The following ALPK1 variants were observed in gnomAD, a reference collection of about 807,000 sequenced individuals.
ALPK1 encodes alpha-protein kinase 1.
Under a neutral mutation model 120.6 loss-of-function variants are expected in ALPK1, and 110 were observed. The observed-to-expected ratio is 0.91, with a 90% confidence interval of 0.78 to 1.07. ALPK1 has a LOEUF of 1.07. Ranked by LOEUF, ALPK1 falls within the 50% of genes least tolerant of loss-of-function variation. The probability of loss-of-function intolerance (pLI) is 0.00; values close to 1 mark genes in which losing one functional copy is unlikely to be tolerated. For synonymous variants in ALPK1, 582 were observed against 560.3 expected (o/e 1.04, Z -0.55); for missense variants, 1,498 against 1,483.9 (o/e 1.01, Z -0.16).
At chr4:112,430,069 A>G (rs1416384958) in intron 10 of ALPK1, among the ~76,000 whole-genome samples, 1 of 152,204 alleles carries the variant, frequency 6.6e-6, no homozygotes, top group African/African-American at 2.4e-5. Flanking sequence ...GTATTCATAT[A>G]TGGCATCCTT....
At chr4:112,414,111 G>T (rs1437845976) in intron 5 of ALPK1, among the ~76,000 whole-genome samples, 1 of 152,186 alleles carries the variant, frequency 6.6e-6, no homozygotes, top group Non-Finnish European at 1.5e-5. Context: ...CTGAAAGGAG[G>T]CTCTCAGGCC....
intron 2 of ALPK1, chr4:112,359,161 G>T (rs980990456): frequency 2.1e-5 from 14 of 653,450 alleles, no homozygotes; most frequent in Non-Finnish European, 4.0e-5. Flanking sequence ...CTCAACCAGG[G>T]CAGGCCCCAC....
Position 112,356,567 on chromosome 4 carries a change from C to A in ALPK1, c.-100-21111C>A, listed in dbSNP as rs982087970. 120 of 805,934 alleles carry A rather than the reference C, an allele frequency of 1.5e-4. 1 individual carries two copies. The South Asian group carries it at 1.5e-3, about 10-fold the overall frequency. The allele number at this position is 805,934 out of a possible 1,614,324, so 49.9% of individuals were successfully genotyped here. A position where few individuals can be genotyped will look rare whatever the true frequency, so the allele number is the denominator to read the frequency against. Reference sequence around the variant, plus strand: ...TGGGCTCCCGGGAGCAGCTGTGCATCCACCCTGAGGTGAAGAAGCAGGAGA... The same window carrying A: ...TGGGCTCCCGGGAGCAGCTGTGCATACACCCTGAGGTGAAGAAGCAGGAGA... On this transcript the variant is annotated intron_variant, in intron 2 of 15. Transcript: ENST00000650871.
intron 2 of ALPK1, among the ~76,000 whole-genome samples, chr4:112,329,857 A>G (rs1318756214): frequency 6.6e-6 from 1 of 152,236 alleles, no homozygotes; most frequent in African/African-American, 2.4e-5. Context: ...GTACATGGTA[A>G]GTACTCAATA....
intron 2 of ALPK1, among the ~76,000 whole-genome samples, chr4:112,355,309 A>G (rs1391297865): frequency 6.6e-6 from 1 of 152,170 alleles, no homozygotes; most frequent in Non-Finnish European, 1.5e-5. Context: ...ATATGTTTCA[A>G]GTCTGCCTTG....
At chr4:112,340,138 G>A (rs1729794921) in intron 2 of ALPK1, among the ~76,000 whole-genome samples, 1 of 152,232 alleles carries the variant, frequency 6.6e-6, no homozygotes, top group Non-Finnish European at 1.5e-5. Context: ...TCTTCAAAGT[G>A]ATGCAGCGAT....
intron 2 of ALPK1, chr4:112,359,358 G>T: frequency 2.6e-6 from 1 of 382,598 alleles, no homozygotes; most frequent in South Asian, 2.7e-5. Context: ...GCAGGATGAT[G>T]ACCTGGACAA....
Position 112,420,620 on chromosome 4 carries a change from C to T in ALPK1, c.476-3324C>T, listed in dbSNP as rs370592468. Among the ~76,000 whole-genome samples the T allele has an allele frequency of 1.7e-4, 26 of 152,212 alleles. No individual in the cohort carries two copies. The East Asian group carries it at 3.1e-3, about 18-fold the overall frequency. ...TTCAATAGGCGCTTCTGTGCAAAAG[C>T]GGGGGAAATGAGAGTCACTCAGCAG... On this transcript the variant is annotated intron_variant, in intron 5 of 15. Transcript: ENST00000650871.
intron 2 of ALPK1, among the ~76,000 whole-genome samples, chr4:112,350,061 T>G (rs763184696): frequency 1.4e-4 from 21 of 152,164 alleles, no homozygotes; most frequent in Non-Finnish European, 2.6e-4. Context: ...CACTGCAAAG[T>G]GCATGTGCTT....
In ALPK1 at chr4:112,382,400, T is replaced by A; in HGVS notation, c.124T>A (p.Leu42Ile). Residue 42 changes from leucine to isoleucine, a missense_variant and splice_region_variant, in exon 4 of 16, where the codon TTA becomes ATA. Coordinates refer to ENST00000650871, the MANE Select transcript of ALPK1 (RefSeq NM_025144.4). ...TACCTGAACTCTGACCTTTTCAGCTTTACTCCCCAGCGAGTTAAGGACCCT... is the reference window on the plus strand; with the variant it reads ...TACCTGAACTCTGACCTTTTCAGCTATACTCCCCAGCGAGTTAAGGACCCT... ...DKSEDQRCRA[L>I]LPSELRTLIQ... The A allele has an allele frequency of 6.2e-7, 1 of 1,613,220 alleles. No homozygotes were observed. Among genetic ancestry groups the A allele is most frequent in the Non-Finnish European group, 8.5e-7 (1 of 1,179,712 alleles).
At chr4:112,306,268 T>C (rs1459501463) in intron 1 of ALPK1, among the ~76,000 whole-genome samples, 4 of 152,102 alleles carry the variant, frequency 2.6e-5, no homozygotes, top group Non-Finnish European at 5.9e-5. Context: ...CCTCATAAAA[T>C]GAGTTAGGGA....
At position 112,431,681 on chromosome 4, in the gene ALPK1, C is replaced by G; in HGVS notation, c.2134C>G (p.His712Asp). Reference protein sequence around the residue: ...RNMGPRNTSAHSRPSYRSASW... With the variant: ...RNMGPRNTSADSRPSYRSASW... ...TATGGGACCCAGAAATACTTCTGCT[C>G]ACTCCAGACCCTCATATCGTTCTGC... is the stretch of plus-strand genomic sequence containing the variant. Residue 712 changes from histidine to aspartate, a missense_variant, in exon 11 of 16, where the codon CAC becomes GAC. Transcript: ENST00000650871. The G allele has an allele frequency of 6.2e-7, 1 of 1,614,212 alleles. No homozygotes were observed. Among genetic ancestry groups the G allele is most frequent in the Non-Finnish European group, 8.5e-7 (1 of 1,180,044 alleles).
chr4:112,396,598 A>T (rs1478780754), intron 4 of ALPK1, among the ~76,000 whole-genome samples: 1 of 152,146 alleles, frequency 6.6e-6, no homozygotes, highest in Non-Finnish European at 1.5e-5. Flanking sequence ...AATAAATTTA[A>T]ATGGAAACTT....
At chr4:112,435,912 C>T (rs756720902) in intron 12 of ALPK1, among the ~76,000 whole-genome samples, 14 of 152,210 alleles carry the variant, frequency 9.2e-5, no homozygotes, top group Non-Finnish European at 1.6e-4. Context: ...GAAAACCCCA[C>T]CCCAGTGAAG....
chr4:112,428,453 A>G (rs1286616314), intron 9 of ALPK1, among the ~76,000 whole-genome samples: 2 of 152,244 alleles, frequency 1.3e-5, no homozygotes, highest in African/African-American at 4.8e-5. Flanking sequence ...AAAAGAACAC[A>G]TACAGCTTGC....
chr4:112,312,373 C>CTCCGCCTCCCG (rs1728444346), intron 1 of ALPK1, among the ~76,000 whole-genome samples: 1 of 151,954 alleles, frequency 6.6e-6, no homozygotes, highest in East Asian at 1.9e-4. Context: ...TCCCGGGTCA[C>CTCCGCCTCCCG]GTCATTCTCC....
intron 2 of ALPK1, chr4:112,352,920 TTCTC>T (rs532135040): frequency 2.1e-4 from 32 of 151,864 alleles, no homozygotes; most frequent in Admixed American, 2.0e-3. Context: ...CTTCCTTTCT[TTCTC>T]TCTCTTTCTG....
intron 2 of ALPK1, among the ~76,000 whole-genome samples, chr4:112,329,302 G>A (rs1729257131): frequency 6.6e-6 from 1 of 152,178 alleles, no homozygotes; most frequent in Non-Finnish European, 1.5e-5. Flanking sequence ...AGTAGATTGT[G>A]TATAGTCCAA....
chr4:112,357,277 C>A, intron 2 of ALPK1: 1 of 1,196,778 alleles, frequency 8.4e-7, no homozygotes. Context: ...CTGGGGTGTT[C>A]GCCAACACAG....
Sources: allele counts gnomAD v4.1 joint callset (sites outside exome capture counted in the v4.1 genomes callset), GRCh38; gene constraint gnomAD v4.1.1; transcripts MANE v1.5; gene names NCBI Gene and HGNC (gene_info 2026-07-23, HGNC 2026-07-21).